Variants in AGXT observed in about 807,000 individuals in gnomAD.
AGXT encodes the protein alanine--glyoxylate aminotransferase.
In AGXT, 41 loss-of-function variants were observed where a neutral mutation model predicts 46.9. The ratio of observed to expected loss-of-function variants is 0.88; its 90% CI spans 0.68 to 1.14. The LOEUF (loss-of-function observed/expected upper bound fraction) is 1.14, where lower values mean the gene tolerates loss of function less well. Ranked by LOEUF, AGXT falls within the 50% of genes most tolerant of loss-of-function variation. The probability of loss-of-function intolerance (pLI) is 0.00; values close to 1 mark genes in which losing one functional copy is unlikely to be tolerated. For missense variants in AGXT, 525 were observed against 522.7 expected, an observed-to-expected ratio of 1.00 and a Z score of -0.04; for synonymous variants, 244 against 227.9, an observed-to-expected ratio of 1.07 and a Z score of -0.64.
At position 240,870,578 on chromosome 2, in the gene AGXT, G is replaced by A. The variant is rs899979731; in HGVS notation, c.359-66G>A. ...ACAGGGCCCTGCTCAGCAGGGCCAC[G>A]GGTGCCCAACACTGGCTTCTACAGT... On this transcript the variant is annotated intron_variant, in intron 2 of 10. Coordinates refer to ENST00000307503, the MANE Select transcript of AGXT (RefSeq NM_000030.3). The A allele has an allele frequency of 6.6e-5, 102 of 1,534,378 alleles. 2 individuals carry two copies. In the African/African-American group the frequency reaches 1.1e-3, roughly 16 times the overall value.
Position 240,873,981 on chromosome 2 carries a change from T to C in AGXT, c.599T>C (p.Ile200Thr). 1 of 1,613,590 alleles carries C rather than the reference T, an allele frequency of 6.2e-7. No individual in the cohort carries two copies. Among genetic ancestry groups the C allele is most frequent in the East Asian group, 2.2e-5 (1 of 44,870 alleles). ...GTPLYMDRQG[I>T]DILYSGSQKA... ...CGAGCAAACCACCCATCTACAGGCA[T>C]CGACATCCTGTACTCGGGCTCCCAG... is the stretch of plus-strand genomic sequence containing the variant. The change falls in exon 6 of 11, where the codon ATC becomes ACC. Residue 200 changes from isoleucine (I) to threonine (T), a missense_variant. Ile to Thr is a moderately conservative substitution (Grantham distance 89). Transcript: ENST00000307503.
intron 4 of AGXT, among the ~76,000 whole-genome samples, chr2:240,872,315 G>A (rs2058995479): frequency 1.4e-5 from 2 of 138,484 alleles, no homozygotes; most frequent in South Asian, 2.3e-4. Flanking sequence ...GTGAGAGTTC[G>A]TGAACATGGA....
In AGXT at chr2:240,875,117, T is replaced by G. The variant is rs776533187; in HGVS notation, c.689T>G (p.Met230Arg). 1 of 1,612,004 alleles carries G rather than the reference T, an allele frequency of 6.2e-7. No individual in the cohort carries two copies. The highest frequency in any genetic ancestry group is 1.7e-5 in the Admixed American group (1 of 60,008). Residue 230 changes from methionine (M) to arginine (R), a missense_variant, in exon 7 of 11, where the codon ATG becomes AGG. Physicochemically the swap from Met to Arg is moderately conservative, Grantham distance 91. Transcript: ENST00000307503. ...TGCTTCTTTCTCCCCAGAAAGAAGA[T>G]GTACTCCCGCAAGACGAAGCCCTTC... ...ISFSDKAKKKMYSRKTKPFSF... is the reference protein window; with the variant it reads ...ISFSDKAKKKRYSRKTKPFSF...
chr2:240,880,085 T>C lies in AGXT; in HGVS notation c.*1264T>C, dbSNP rs1575714101. ...TTTGGGGCTGTTATGAATACGGAGG[T>C]AGTGAAATTCTTACTCAAGCCTTCG... On this transcript the variant is annotated 3_prime_UTR_variant, in exon 11 of 11. Coordinates refer to ENST00000307503, the MANE Select transcript of AGXT (RefSeq NM_000030.3). The C allele has an allele frequency of 6.6e-6, 1 of 152,202 alleles. No homozygotes were observed. Among genetic ancestry groups the C allele is most frequent in the Non-Finnish European group, 1.5e-5 (1 of 68,030 alleles). 9.4% of individuals were successfully genotyped at this position (152,202 alleles called of 1,614,324 possible).
chr2:240,877,137 C>T (rs749777273), intron 8 of AGXT: 1 of 395,354 alleles, frequency 2.5e-6, no homozygotes, highest in Non-Finnish European at 5.0e-6. Flanking sequence ...GCGGAGGATG[C>T]CAGGTCGGGG....
At position 240,875,139 on chromosome 2, in the gene AGXT, C is replaced by G. The variant is rs754180585; in HGVS notation, c.711C>G (p.Pro237=). ...AGATGTACTCCCGCAAGACGAAGCCCTTCTCCTTCTACCTGGACATCAAGT... is the reference window on the plus strand; with the variant it reads ...AGATGTACTCCCGCAAGACGAAGCCGTTCTCCTTCTACCTGGACATCAAGT... ...KKKMYSRKTK[P]FSFYLDIKWL... is the part of the protein sequence containing the mutation. Residue 237 remains proline, a synonymous_variant, in exon 7 of 11, where the codon CCC becomes CCG. Transcript: ENST00000307503. 1 of 1,613,892 alleles carries G rather than the reference C, an allele frequency of 6.2e-7. No individual in the cohort carries two copies. Among genetic ancestry groups the G allele is most frequent in the East Asian group, 2.2e-5 (1 of 44,882 alleles).
At chr2:240,877,319 G>C (rs980868573) in intron 8 of AGXT, 1 of 693,536 alleles carries the variant, frequency 1.4e-6, no homozygotes, top group Non-Finnish European at 2.6e-6. Flanking sequence ...CCTCCCCTCT[G>C]TCTCTCTGAA....
At chr2:240,874,248 C>A (rs778530579) in intron 6 of AGXT, among the ~76,000 whole-genome samples, 186 bp downstream of exon 6, 1 of 151,862 alleles carries the variant, frequency 6.6e-6, no homozygotes, top group South Asian at 2.1e-4. Flanking sequence ...GGAGGCCGGG[C>A]GAGGGGAGGG....
chr2:240,875,400 C>T (rs931890727), intron 7 of AGXT, among the ~76,000 whole-genome samples, 196 bp downstream of exon 7: 6 of 152,220 alleles, frequency 3.9e-5, no homozygotes, highest in African/African-American at 9.6e-5. Flanking sequence ...TCGACTGGCC[C>T]GAGGCTCTGG....
chr2:240,878,894 A>G lies in AGXT; in HGVS notation c.*73A>G. On this transcript the variant is annotated 3_prime_UTR_variant, in exon 11 of 11. Coordinates refer to ENST00000307503, the MANE Select transcript of AGXT (RefSeq NM_000030.3). ...CCACCCTGAGGGATCAGGAGCAAAC[A>G]GACCCTGCAAGGTCCTCCAGGCCTG... 2.8e-6 allele frequency: 4 copies of G among 1,426,150 alleles called. No homozygotes were observed. In the South Asian group the frequency reaches 4.9e-5, roughly 17 times the overall value. 88.3% of individuals were successfully genotyped at this position (1,426,150 alleles called of 1,614,324 possible). A position where few individuals can be genotyped will look rare whatever the true frequency, so the allele number is the denominator to read the frequency against.
chr2:240,877,281 C>A (rs1248812029), intron 8 of AGXT: 5 of 661,496 alleles, frequency 7.6e-6, no homozygotes, highest in Non-Finnish European at 1.4e-5. Context: ...GCACTCTCCA[C>A]TCTTCTCCCC....
In AGXT at chr2:240,878,938, A is replaced by G; in HGVS notation, c.*117A>G. 2.7e-6 allele frequency: 3 copies of G among 1,113,246 alleles called. No individual in the cohort carries two copies. The highest frequency in any genetic ancestry group is 3.9e-6 in the Non-Finnish European group (3 of 761,932). 69.0% of individuals were successfully genotyped at this position (1,113,246 alleles called of 1,614,324 possible). A position where few individuals can be genotyped will look rare whatever the true frequency, so the allele number is the denominator to read the frequency against. On this transcript the variant is annotated 3_prime_UTR_variant, in exon 11 of 11. Coordinates refer to ENST00000307503, the MANE Select transcript of AGXT (RefSeq NM_000030.3). ...AGGCCTGGGGACAGGAAAGCCACTG[A>G]CCCAGCCCGGGAGGCAGAACCAGGC... is the stretch of plus-strand genomic sequence containing the variant.
rs73106689 is a variant in AGXT at position 240,879,380 on chromosome 2, C to T, written c.*559C>T. 1.3e-3 allele frequency: 221 copies of T among 171,958 alleles called. 1 individual carries two copies. Among genetic ancestry groups the T allele is most frequent in the African/African-American group, 4.9e-3 (207 of 41,940 alleles). 10.7% of individuals were successfully genotyped at this position (171,958 alleles called of 1,614,324 possible). ...ACAAGGGTACCTGCGTGCTGGAGAG[C>T]GCACAGCCAGGACCTGAGCCCATGA... On this transcript the variant is annotated 3_prime_UTR_variant, in exon 11 of 11. Transcript: ENST00000307503.
intron 6 of AGXT, 85 bp downstream of exon 6, chr2:240,874,147 A>G: frequency 2.0e-5 from 27 of 1,337,744 alleles, no homozygotes; most frequent in Non-Finnish European, 2.8e-5. Context: ...GGCGGGAGCC[A>G]GGCAGGAAGG....
At chr2:240,873,889 T>C (rs1286075057) in intron 5 of AGXT, 89 bp from the exon 6 acceptor site, 1 of 1,190,782 alleles carries the variant, frequency 8.4e-7, no homozygotes, top group Non-Finnish European at 1.3e-6. Context: ...GGTCGTAGCC[T>C]ACCAGCCCAT....
chr2:240,872,359 G>GAGGAGGGTGAGAGTTCGTGAACATGCAGA (rs1319195996), intron 4 of AGXT, among the ~76,000 whole-genome samples: 1 of 37,372 alleles, frequency 2.7e-5, no homozygotes, highest in Non-Finnish European at 6.6e-5. Flanking sequence ...GAACATGCAG[G>GAGGAGGGTGAGAGTTCGTGAACATGCAGA]CGGAGGAGGG....
At position 240,878,961 on chromosome 2, in the gene AGXT, G is replaced by A; in HGVS notation, c.*140G>A. 3 of 864,566 alleles carry A rather than the reference G, an allele frequency of 3.5e-6. No individual in the cohort carries two copies. Among genetic ancestry groups the A allele is most frequent in the Non-Finnish European group, 5.6e-6 (3 of 539,630 alleles). The allele number at this position is 864,566 out of a possible 1,614,324, so 53.6% of individuals were successfully genotyped here. A position where few individuals can be genotyped will look rare whatever the true frequency, so the allele number is the denominator to read the frequency against. On this transcript the variant is annotated 3_prime_UTR_variant, in exon 11 of 11. Transcript: ENST00000307503. ...TGACCCAGCCCGGGAGGCAGAACCA[G>A]GCAGCCTCCCTGGCCCCAGGCAGCC...
Position 240,878,862 on chromosome 2 carries a change from C to A in AGXT, c.*41C>A, listed in dbSNP as rs4273214. On this transcript the variant is annotated 3_prime_UTR_variant, in exon 11 of 11. Coordinates refer to ENST00000307503, the MANE Select transcript of AGXT (RefSeq NM_000030.3). ...ACAGCTGGCACTGGCACACACCTGT[C>A]CCATGCCCACCCTGAGGGATCAGGA... The A allele has an allele frequency of 0.37, 566,812 of 1,530,324 alleles. 108,657 individuals carry two copies. The highest frequency in any genetic ancestry group is 0.4 in the Non-Finnish European group (453,473 of 1,130,434). The allele number at this position is 1,530,324 out of a possible 1,614,324, so 94.8% of individuals were successfully genotyped here.
At chr2:240,871,040 C>A in intron 3 of AGXT, 1 of 577,952 alleles carries the variant, frequency 1.7e-6, no homozygotes, top group Non-Finnish European at 3.1e-6. Context: ...ATACCCCACC[C>A]TGTGGGCTGA....
Sources: allele counts gnomAD v4.1 joint callset (sites outside exome capture counted in the v4.1 genomes callset), GRCh38; gene constraint gnomAD v4.1.1; transcripts MANE v1.5; gene names NCBI Gene and HGNC (gene_info 2026-07-23, HGNC 2026-07-21).